The following ACTR3C variants were observed in gnomAD, a reference collection of about 807,000 sequenced individuals.
ACTR3C encodes the protein actin related protein 3C, also known as actin-related protein 3C.
A neutral mutation model predicts 26.3 loss-of-function variants in ACTR3C; 18 were observed. That is an observed-to-expected ratio of 0.68 (90% CI 0.47 to 1.01). The LOEUF is 1.01. Among genes scored for constraint, ACTR3C ranks in the 50% least tolerant of loss-of-function variants. The pLI is 0.00. For synonymous variants in ACTR3C, 55 were observed against 94.5 expected (o/e 0.58, Z 2.42); for missense variants, 184 against 250.7 (o/e 0.73, Z 1.80).
the ACTR3C span, among the ~76,000 whole-genome samples, chr7:149,972,270 ACT>A: frequency 6.6e-6 from 1 of 151,888 alleles, no homozygotes; most frequent in African/African-American, 2.4e-5. Flanking sequence ...TCTTTCTTCC[ACT>A]CTGTTTGCAA....
At chr7:149,948,545 C>A in the ACTR3C span, among the ~76,000 whole-genome samples, 1 of 151,234 alleles carries the variant, frequency 6.6e-6, no homozygotes, top group Non-Finnish European at 1.5e-5. Context: ...CATCCCAGCC[C>A]TCCAGTCCAG....
chr7:150,039,781 G>C, the ACTR3C span, among the ~76,000 whole-genome samples: 4 of 137,210 alleles, frequency 2.9e-5, no homozygotes, highest in African/African-American at 8.0e-5. Flanking sequence ...AGAGCCAGGG[G>C]GGGAAGAGGG....
Position 150,294,991 on chromosome 7 carries a change from G to T in ACTR3C, c.45+261C>A, listed in dbSNP as rs571019997. 8.9e-4 allele frequency among the ~76,000 whole-genome samples: 136 copies of T among 152,124 alleles called. 1 individual carries two copies. The highest frequency in any genetic ancestry group is 2.3e-3 in the South Asian group (11 of 4,824). On this transcript the variant is annotated intron_variant, in intron 2 of 7. Coordinates refer to ENST00000683684, the MANE Select transcript of ACTR3C (RefSeq NM_001164458.2). The stretch of plus-strand genomic sequence containing the variant: ...AGAAGCACATCTACACCTATATCTT[G>T]TCACCCAGATAAAAATGCATGAGAC...
chr7:150,084,327 C>A, the ACTR3C span, among the ~76,000 whole-genome samples: 1 of 152,182 alleles, frequency 6.6e-6, no homozygotes, highest in South Asian at 2.1e-4. Flanking sequence ...AAGCACATTG[C>A]AGATATAGCA....
chr7:150,322,220 G>A (rs993318077), intron 1 of ACTR3C, among the ~76,000 whole-genome samples: 2 of 152,218 alleles, frequency 1.3e-5, no homozygotes, highest in Admixed American at 1.3e-4. Context: ...AGTGTCAGAG[G>A]TGTTTAAGCC....
the ACTR3C span, among the ~76,000 whole-genome samples, chr7:150,202,505 A>C: frequency 6.6e-6 from 1 of 152,160 alleles, no homozygotes; most frequent in Non-Finnish European, 1.5e-5. Flanking sequence ...TCAGCAATAT[A>C]AATTTGCTAG....
the ACTR3C span, among the ~76,000 whole-genome samples, chr7:149,925,347 G>A: frequency 5.9e-5 from 9 of 152,078 alleles, no homozygotes; most frequent in Admixed American, 6.6e-5. Context: ...TTTCTCTCCC[G>A]GAACTAGAGA....
the ACTR3C span, among the ~76,000 whole-genome samples, chr7:150,109,165 A>C: frequency 6.6e-6 from 1 of 151,980 alleles, no homozygotes; most frequent in South Asian, 2.1e-4. Flanking sequence ...CCTGCTGTAG[A>C]AAATCAATGC....
At chr7:150,122,230 G>A in the ACTR3C span, among the ~76,000 whole-genome samples, 2 of 151,624 alleles carry the variant, frequency 1.3e-5, no homozygotes, top group African/African-American at 4.9e-5. Flanking sequence ...TTGACAAATG[G>A]GATCTAATTA....
At chr7:150,197,890 TCCC>T in the ACTR3C span, among the ~76,000 whole-genome samples, 1 of 143,242 alleles carries the variant, frequency 7.0e-6, no homozygotes, top group Admixed American at 7.0e-5. Context: ...CCCCACGGTC[TCCC>T]TCTCATGCGG....
chr7:149,992,740 T>G, the ACTR3C span, among the ~76,000 whole-genome samples: 1 of 152,230 alleles, frequency 6.6e-6, no homozygotes, highest in African/African-American at 2.4e-5. Context: ...GGGACAGATC[T>G]GTGGGATGTA....
At chr7:150,161,267 A>T in the ACTR3C span, among the ~76,000 whole-genome samples, 2 of 139,062 alleles carry the variant, frequency 1.4e-5, no homozygotes, top group Non-Finnish European at 3.0e-5. Context: ...CACAACATGC[A>T]GGTTTGTTAC....
chr7:150,168,956 G>T, the ACTR3C span, among the ~76,000 whole-genome samples: 6 of 150,760 alleles, frequency 4.0e-5, no homozygotes, highest in Admixed American at 3.9e-4. Context: ...CTGCATCCCC[G>T]AAACCTGCCT....
At chr7:150,254,818 A>G (rs1833094252) in intron 6 of ACTR3C, among the ~76,000 whole-genome samples, 1 of 152,228 alleles carries the variant, frequency 6.6e-6, no homozygotes, top group South Asian at 2.1e-4. Context: ...CTTTCGGTGC[A>G]GCAAGCAACA....
chr7:150,076,795 A>T, the ACTR3C span: 1 of 152,186 alleles, frequency 6.6e-6, no homozygotes, highest in African/African-American at 2.4e-5. Flanking sequence ...TATTTTCTCA[A>T]TTTTTGCATA....
At chr7:149,976,093 C>A in the ACTR3C span, among the ~76,000 whole-genome samples, 1 of 152,320 alleles carries the variant, frequency 6.6e-6, no homozygotes, top group Admixed American at 6.5e-5. Context: ...TTGCATGAAA[C>A]CAGAGTTCCT....
chr7:150,112,661 A>G, the ACTR3C span, among the ~76,000 whole-genome samples: 7 of 152,180 alleles, frequency 4.6e-5, no homozygotes, highest in Non-Finnish European at 7.3e-5. Flanking sequence ...TCAAGGGAAA[A>G]AAAGGAGGAG....
At chr7:150,284,255 A>C (rs1432609676) in intron 6 of ACTR3C, among the ~76,000 whole-genome samples, 1 of 152,196 alleles carries the variant, frequency 6.6e-6, no homozygotes, top group African/African-American at 2.4e-5. Context: ...AAATACTTCC[A>C]GTTGGCCGGG....
intron 3 of ACTR3C, among the ~76,000 whole-genome samples, chr7:150,291,785 G>A (rs558489829): frequency 6.6e-6 from 1 of 151,812 alleles, no homozygotes; most frequent in Non-Finnish European, 1.5e-5. Flanking sequence ...CTGAGTTCTC[G>A]GTGAGTGCTC....
Sources: gnomAD v4.1 joint callset for allele counts (sites outside exome capture counted in the v4.1 genomes callset) on GRCh38, gnomAD v4.1.1 for gene constraint, MANE v1.5 for transcripts, NCBI Gene and HGNC (gene_info 2026-07-23, HGNC 2026-07-21) for gene names.